The following ADGRE1 variants were observed in gnomAD, a reference collection of about 807,000 sequenced individuals.
The protein encoded by ADGRE1 is adhesion G protein-coupled receptor E1.
ADGRE1 carries 82 observed loss-of-function variants against 102.7 expected under a neutral mutation model. That is an observed-to-expected ratio of 0.80 (90% CI 0.67 to 0.96). The LOEUF is 0.96. ADGRE1 is among the 40% of genes least tolerant of loss of function. ADGRE1 has a pLI of 0.00. For synonymous variants in ADGRE1, 398 were observed against 399.6 expected (o/e 1.00, Z 0.05); for missense variants, 1,032 against 1,085.3 (o/e 0.95, Z 0.69).
At chr19:6,935,105 T>C (rs773250667) in intron 18 of ADGRE1, 27 bp downstream of exon 18, 1 of 1,457,244 alleles carries the variant, frequency 6.9e-7, no homozygotes. Flanking sequence ...CCTCCCCCCC[T>C]CTTTTAATTT....
At chr19:6,915,345 G>C (rs1974334893) in intron 11 of ADGRE1, among the ~76,000 whole-genome samples, 1 of 152,094 alleles carries the variant, frequency 6.6e-6, no homozygotes, top group South Asian at 2.1e-4. Context: ...TGGAAAATTT[G>C]GGAACAGGTA....
intron 10 of ADGRE1, among the ~76,000 whole-genome samples, chr19:6,911,717 A>C (rs1974196021): frequency 6.6e-6 from 1 of 150,886 alleles, no homozygotes; most frequent in African/African-American, 2.4e-5. Flanking sequence ...ACACATATAC[A>C]CCTCCCCCAC....
In ADGRE1 at chr19:6,916,297, C is replaced by T. The variant is rs375849840; in HGVS notation, c.1349C>T (p.Thr450Met). 115 of 1,613,288 alleles carry T rather than the reference C, an allele frequency of 7.1e-5. No individual in the cohort carries two copies. Among genetic ancestry groups the T allele is most frequent in the Non-Finnish European group, 8.8e-5 (104 of 1,179,600 alleles). Reference protein sequence around the residue: ...INKECSEENVTLDLVAKGDKM... With the variant: ...INKECSEENVMLDLVAKGDKM... The stretch of plus-strand genomic sequence containing the variant: ...AAAGAATGCAGTGAAGAGAATGTGA[C>T]GTTGGACTTGGTAGCCAAGGGGGAT... The change falls in exon 12 of 21, where the codon ACG (threonine) becomes ATG (methionine). Residue 450 changes from threonine to methionine, a missense_variant. Transcript: ENST00000312053.
chr19:6,896,326 T>TATGCTGGGTTCCCTTGC lies in ADGRE1; in HGVS notation c.95-70_95-54dup. On this transcript the variant is annotated intron_variant, in intron 2 of 20. Coordinates refer to ENST00000312053, the MANE Select transcript of ADGRE1 (RefSeq NM_001974.5). Reference sequence around the variant, plus strand: ...CCCATAACAGTCACCTCCACCCTTGTATGCTGGGTTCCCTTGCAGCCTCAC... The same window carrying TATGCTGGGTTCCCTTGC: ...CCCATAACAGTCACCTCCACCCTTGTATGCTGGGTTCCCTTGCATGCTGGGTTCCCTTGCAGCCTCAC... The TATGCTGGGTTCCCTTGC allele has an allele frequency of 2.7e-6, 4 of 1,501,084 alleles. No individual in the cohort carries two copies. In the African/African-American group the frequency reaches 5.5e-5, roughly 21 times the overall value. The allele number at this position is 1,501,084 out of a possible 1,614,324, so 93.0% of individuals were successfully genotyped here. A position where few individuals can be genotyped will look rare whatever the true frequency, so the allele number is the denominator to read the frequency against.
At chr19:6,928,000 A>G in intron 16 of ADGRE1, 145 bp from the exon 17 acceptor site, 1 of 1,003,222 alleles carries the variant, frequency 1.0e-6, no homozygotes, top group Non-Finnish European at 1.5e-6. Flanking sequence ...TCTAAAGGAA[A>G]CTGAACTGCA....
At chr19:6,888,510 A>AG (rs1973228578) in intron 1 of ADGRE1, among the ~76,000 whole-genome samples, 1 of 152,188 alleles carries the variant, frequency 6.6e-6, no homozygotes, top group South Asian at 2.1e-4. Context: ...TTGGGGACAT[A>AG]TTCTAAGTAG....
rs1431975153 is a variant in ADGRE1 at position 6,928,421 on chromosome 19, T to A, written c.2289+210T>A. ...CGGGTGGATCACCTGAGGTCAGGAG[T>A]TCGAGAACAGTCTGGCCAACTTGGC... On this transcript the variant is annotated intron_variant, in intron 17 of 20. Transcript: ENST00000312053. The A allele has an allele frequency of 5.6e-6, 7 of 1,255,594 alleles. No individual in the cohort carries two copies. The Admixed American group carries it at 2.1e-4, about 37-fold the overall frequency. The allele number at this position is 1,255,594 out of a possible 1,614,324, so 77.8% of individuals were successfully genotyped here. A position where few individuals can be genotyped will look rare whatever the true frequency, so the allele number is the denominator to read the frequency against.
chr19:6,927,038 G>T (rs1974945728), intron 16 of ADGRE1, among the ~76,000 whole-genome samples: 1 of 149,504 alleles, frequency 6.7e-6, no homozygotes, highest in Non-Finnish European at 1.5e-5. Flanking sequence ...CAGCCTGGGG[G>T]ACAAGAGCGA....
intron 17 of ADGRE1, chr19:6,928,468 A>G: frequency 5.4e-6 from 4 of 741,764 alleles, no homozygotes; most frequent in Non-Finnish European, 8.2e-6. Flanking sequence ...TCTGCTAAAA[A>G]TACAAAAAAT....
intron 2 of ADGRE1, 50 bp from the exon 3 acceptor site, chr19:6,896,348 T>C (rs1337978338): frequency 6.3e-7 from 1 of 1,584,882 alleles, no homozygotes; most frequent in Non-Finnish European, 8.6e-7. Context: ...CCTTGCAGCC[T>C]CACTCTAATG....
Position 6,897,321 on chromosome 19 carries a change from C to T in ADGRE1, c.394+17C>T, listed in dbSNP as rs758003758. On this transcript the variant is annotated intron_variant, in intron 4 of 20. Transcript: ENST00000312053. Reference sequence around the variant, plus strand: ...CCTGTACTGGTAATGCTCTCAGGTTCCCAGGGATGGGTCTTGGGTGGATAT... The same window carrying T: ...CCTGTACTGGTAATGCTCTCAGGTTTCCAGGGATGGGTCTTGGGTGGATAT... 7 of 1,613,786 alleles carry T rather than the reference C, an allele frequency of 4.3e-6. No individual in the cohort carries two copies. The Admixed American group carries it at 1.0e-4, about 23-fold the overall frequency.
chr19:6,900,926 T>C (rs568613422), intron 5 of ADGRE1, among the ~76,000 whole-genome samples: 4 of 152,352 alleles, frequency 2.6e-5, no homozygotes, highest in East Asian at 1.9e-4. Flanking sequence ...TGGTCTATTC[T>C]AGCCAGATCT....
chr19:6,921,056 C>T lies in ADGRE1; in HGVS notation c.1621-657C>T, dbSNP rs1247254906. ...ATCCCAGCACTTTGGGAGGTCTATG[C>T]AGGAGGATCACTTGAGGTCAGGAGT... On this transcript the variant is annotated intron_variant, in intron 13 of 20. Coordinates refer to ENST00000312053, the MANE Select transcript of ADGRE1 (RefSeq NM_001974.5). Among the ~76,000 whole-genome samples, 4 of 152,200 alleles carry T rather than the reference C, an allele frequency of 2.6e-5. No individual in the cohort carries two copies. In the South Asian group the frequency reaches 8.3e-4, roughly 32 times the overall value.
Position 6,934,416 on chromosome 19 carries a change from CTTCT to C in ADGRE1, c.2290-568_2290-565del, listed in dbSNP as rs1460517247. 1.1e-4 allele frequency among the ~76,000 whole-genome samples: 12 copies of C among 105,382 alleles called. 1 individual carries two copies. The highest frequency in any genetic ancestry group is 5.4e-4 in the African/African-American group (8 of 14,854). 69.1% of individuals were successfully genotyped at this position (105,382 alleles called of 152,430 possible). On this transcript the variant is annotated intron_variant, in intron 17 of 20. Coordinates refer to ENST00000312053, the MANE Select transcript of ADGRE1 (RefSeq NM_001974.5). ...ATCGTGGGTCAGAATTCTTCTTCTT[CTTCT>C]TTTTTTTTTTTTTTTTTTTGAGACA...
chr19:6,890,507 G>A lies in ADGRE1; in HGVS notation c.58G>A (p.Gly20Arg), dbSNP rs1031226396. Residue 20 changes from glycine to arginine, a missense_variant, in exon 2 of 21, where the codon GGG becomes AGG. Gly to Arg is a moderately radical substitution (Grantham distance 125, BLOSUM62 -2). Transcript: ENST00000312053. ...WGCCVMHSWE[G>R]HIRPTRKPNT... ...ATGTTGTGTTATGCACAGCTGGGAA[G>A]GGCACATAAGACCCACACGGAAACC... 6.2e-7 allele frequency: 1 copy of A among 1,611,220 alleles called. No individual in the cohort carries two copies. The highest frequency in any genetic ancestry group is 1.1e-5 in the South Asian group (1 of 90,922).
At chr19:6,893,318 C>T (rs1203269070) in intron 2 of ADGRE1, among the ~76,000 whole-genome samples, 1 of 152,138 alleles carries the variant, frequency 6.6e-6, no homozygotes, top group African/African-American at 2.4e-5. Flanking sequence ...CTGCCTCAGC[C>T]TCCTGAGTAG....
intron 5 of ADGRE1, among the ~76,000 whole-genome samples, chr19:6,899,252 G>A (rs1306648475): frequency 6.6e-6 from 1 of 152,186 alleles, no homozygotes; most frequent in African/African-American, 2.4e-5. Flanking sequence ...ACCGGTGATG[G>A]TGGGGAGAGG....
intron 1 of ADGRE1, among the ~76,000 whole-genome samples, chr19:6,887,865 G>T (rs1377123137): frequency 6.6e-6 from 1 of 152,174 alleles, no homozygotes; most frequent in Non-Finnish European, 1.5e-5. Flanking sequence ...AGCAAGTCCT[G>T]TGTGTCAGGT....
intron 17 of ADGRE1, among the ~76,000 whole-genome samples, chr19:6,933,319 C>G (rs1394327673): frequency 6.6e-6 from 1 of 152,130 alleles, no homozygotes. Context: ...AAAATAATTC[C>G]CCTGGGGCCG....
Sources: allele counts gnomAD v4.1 joint callset (sites outside exome capture counted in the v4.1 genomes callset), GRCh38; gene constraint gnomAD v4.1.1; transcripts MANE v1.5; gene names NCBI Gene and HGNC (gene_info 2026-07-23, HGNC 2026-07-21).